Variants in FGF13 observed in about 807,000 individuals in gnomAD.
FGF13 encodes fibroblast growth factor 13.
A neutral mutation model predicts 19.5 loss-of-function variants in FGF13; 2 were observed. The observed-to-expected ratio is 0.10, with a 90% CI of 0.04 to 0.32. FGF13 has a LOEUF of 0.32. Ranked by LOEUF, FGF13 falls within the 10% of genes least tolerant of loss-of-function variation. FGF13 has a pLI of 1.00. For synonymous variants in FGF13, 72 were observed against 76.9 expected (o/e 0.94, Z 0.33); for missense variants, 113 against 192.7 (o/e 0.59, Z 2.45).
chrX:138,861,141 T>C (rs1026490019), intron 2 of FGF13, among the ~76,000 whole-genome samples: 1 of 112,393 alleles, frequency 8.9e-6, no homozygotes, highest in African/African-American at 3.2e-5. Flanking sequence ...CTAGGTTTGG[T>C]TTCTCAGCAG....
At chrX:139,102,458 G>A (rs970711773) in intron 1 of FGF13, among the ~76,000 whole-genome samples, 1 of 111,583 alleles carries the variant, frequency 9.0e-6, no homozygotes, top group East Asian at 2.8e-4. Flanking sequence ...TTACTTACTT[G>A]CTGAGACACC....
chrX:138,754,327 A>C (rs2090418131), intron 3 of FGF13, among the ~76,000 whole-genome samples: 1 of 111,494 alleles, frequency 9.0e-6, no homozygotes, highest in African/African-American at 3.3e-5. Flanking sequence ...TCCTTATATA[A>C]CACCCAATGC....
intron 1 of FGF13, among the ~76,000 whole-genome samples, chrX:139,139,229 G>A (rs967101537): frequency 2.7e-5 from 3 of 111,536 alleles, no homozygotes; most frequent in East Asian, 2.8e-4. Context: ...CACCATGCCC[G>A]ACCTGTTATT....
At chrX:138,976,373 G>A (rs1478875293) in intron 1 of FGF13, among the ~76,000 whole-genome samples, 1 of 111,780 alleles carries the variant, frequency 8.9e-6, no homozygotes, top group Non-Finnish European at 1.9e-5. Flanking sequence ...CCATAAAAAA[G>A]GAACAGAATA....
At chrX:138,899,876 C>T (rs1271224987) in intron 1 of FGF13, among the ~76,000 whole-genome samples, 2 of 111,819 alleles carry the variant, frequency 1.8e-5, no homozygotes, top group Non-Finnish European at 3.8e-5. Context: ...AGCTAGTCCA[C>T]CTCCCTAAGT....
intron 1 of FGF13, among the ~76,000 whole-genome samples, chrX:139,183,249 T>G (rs1204814385): frequency 8.9e-6 from 1 of 112,149 alleles, no homozygotes; most frequent in Non-Finnish European, 1.9e-5. Flanking sequence ...ATTTTTCACA[T>G]TAGGTCTGTG....
At chrX:139,064,281 CTTTTTTTTTTTTTTTTTTTTT>C (rs139084376) in intron 1 of FGF13, among the ~76,000 whole-genome samples, 2 of 23,161 alleles carry the variant, frequency 8.6e-5, no homozygotes, top group African/African-American at 4.4e-4. Flanking sequence ...CTTTTTTTTT[CTTTTTTTTTTTTTTTTTTTTT>C]TTTTTTTTTT....
intron 3 of FGF13, among the ~76,000 whole-genome samples, chrX:138,645,288 C>T (rs984175663): frequency 4.5e-5 from 5 of 112,142 alleles, no homozygotes; most frequent in African/African-American, 1.6e-4. Flanking sequence ...AAAATAAACT[C>T]AATTGCAAGT....
chrX:138,841,512 T>A (rs1169771940), intron 3 of FGF13, among the ~76,000 whole-genome samples: 1 of 110,627 alleles, frequency 9.0e-6, no homozygotes, highest in Non-Finnish European at 1.9e-5. Flanking sequence ...CAATCCTTTT[T>A]AAAAATTTTT....
chrX:138,731,790 GAA>G (rs2090233926), intron 1 of FGF13, among the ~76,000 whole-genome samples: 1 of 109,402 alleles, frequency 9.1e-6, no homozygotes, highest in Non-Finnish European at 1.9e-5. Flanking sequence ...GATAGACCAA[GAA>G]AAGAGAGAAA....
chrX:139,066,507 C>T (rs888609619), intron 1 of FGF13, among the ~76,000 whole-genome samples: 12 of 111,637 alleles, frequency 1.1e-4, no homozygotes, highest in African/African-American at 3.6e-4. Flanking sequence ...TACAAACTAC[C>T]ATCAGAGAAT....
chrX:138,846,536 C>T (rs1479466575), intron 3 of FGF13, among the ~76,000 whole-genome samples: 1 of 112,114 alleles, frequency 8.9e-6, no homozygotes, highest in African/African-American at 3.2e-5. Flanking sequence ...AGGATGCCAC[C>T]TCTCTCAGTG....
At chrX:138,838,053 G>A (rs981446138) in intron 3 of FGF13, among the ~76,000 whole-genome samples, 1 of 112,202 alleles carries the variant, frequency 8.9e-6, no homozygotes, top group Non-Finnish European at 1.9e-5. Flanking sequence ...ACTCTCCAAA[G>A]CTTACAGTCT....
At chrX:139,070,907 T>C (rs1004954789) in intron 1 of FGF13, among the ~76,000 whole-genome samples, 6 of 111,033 alleles carry the variant, frequency 5.4e-5, no homozygotes, top group Admixed American at 9.6e-5. Context: ...AAACACCACA[T>C]GTTCTCACTC....
intron 1 of FGF13, among the ~76,000 whole-genome samples, chrX:138,966,139 G>A (rs1467362396): frequency 8.9e-6 from 1 of 111,841 alleles, no homozygotes; most frequent in Admixed American, 9.5e-5. Context: ...CTCTTCTAGG[G>A]CAGTGCAGAA....
At chrX:139,058,349 T>G (rs749697578) in intron 1 of FGF13, among the ~76,000 whole-genome samples, 10 of 112,045 alleles carry the variant, frequency 8.9e-5, no homozygotes, top group South Asian at 3.8e-4. Context: ...AGTGAATATC[T>G]TCTTCATGAA....
chrX:138,901,123 T>C (rs776624387), intron 1 of FGF13, among the ~76,000 whole-genome samples: 2 of 112,254 alleles, frequency 1.8e-5, no homozygotes, highest in Non-Finnish European at 3.8e-5. Context: ...GCACATAAGA[T>C]ACACATGAAT....
At position 139,082,438 on chromosome X, in the gene FGF13, C is replaced by A. The variant is rs758436835; in HGVS notation, c.-113+120978G>T. On this transcript the variant is annotated intron_variant, in intron 1 of 2. Coordinates refer to the FGF13 transcript ENST00000421460. Reference sequence around the variant, plus strand: ...TGATCTTATTTAGAAAATAGAGGGTCTTTTCAGAGGTAATCAAATTAAATG... The same window carrying A: ...TGATCTTATTTAGAAAATAGAGGGTATTTTCAGAGGTAATCAAATTAAATG... Among the ~76,000 whole-genome samples, 18 of 111,756 alleles carry A rather than the reference C, an allele frequency of 1.6e-4. 1 individual carries two copies. The highest frequency in any genetic ancestry group is 8.6e-4 in the Admixed American group (9 of 10,489).
chrX:138,810,665 G>A (rs1214603143), intron 3 of FGF13, among the ~76,000 whole-genome samples: 11 of 111,690 alleles, frequency 9.8e-5, no homozygotes, highest in Admixed American at 6.6e-4. Context: ...GCAACCTACA[G>A]AATGGGACAA....
Sources: allele counts gnomAD v4.1 joint callset (sites outside exome capture counted in the v4.1 genomes callset), GRCh38; gene constraint gnomAD v4.1.1; transcripts MANE v1.5; gene names NCBI Gene and HGNC (gene_info 2026-07-23, HGNC 2026-07-21).